ARF1: variants seen among roughly 807,000 people sequenced by gnomAD.
The protein encoded by ARF1 is ADP-ribosylation factor 1.
A neutral mutation model predicts 18.0 loss-of-function variants in ARF1; 1 was observed. The ratio of observed to expected loss-of-function variants is 0.06; its 90% confidence interval spans 0.02 to 0.26. ARF1 has a LOEUF of 0.26. Among genes scored for constraint, ARF1 ranks in the 10% least tolerant of loss-of-function variants. The pLI is 1.00. For synonymous variants in ARF1, 112 were observed against 96.3 expected (o/e 1.16, Z -0.95); for missense variants, 73 against 247.2 (o/e 0.30, Z 4.73).
intron 1 of ARF1, among the ~76,000 whole-genome samples, chr1:228,095,542 G>T (rs559783427): frequency 6.6e-6 from 1 of 152,272 alleles, no homozygotes; most frequent in East Asian, 1.9e-4. Context: ...TTTTGGTTTG[G>T]TTCACCAGCT....
In ARF1 at chr1:228,097,601, C is replaced by T. The variant is rs371617800; in HGVS notation, c.270C>T (p.Phe90=). The T allele has an allele frequency of 7.4e-6, 12 of 1,614,040 alleles. No homozygotes were observed. Among genetic ancestry groups the T allele is most frequent in the South Asian group, 3.3e-5 (3 of 91,090 alleles). The change falls in exon 4 of 5, where the codon TTC becomes TTT. Residue 90 remains phenylalanine (F), a synonymous_variant. Transcript: ENST00000272102. The surrounding 1 kb of genome is among the most constrained non-coding windows in gnomAD (Gnocchi z 8.1). The stretch of plus-strand genomic sequence containing the variant: ...CTGGCTGCCCGGCAGGCCTGATCTT[C>T]GTGGTGGACAGCAATGACAGAGAGC... ...HYFQNTQGLI[F]VVDSNDRERV... is the part of the protein sequence containing the mutation.
At chr1:228,094,619 T>C (rs1432032731) in intron 1 of ARF1, among the ~76,000 whole-genome samples, 1 of 151,840 alleles carries the variant, frequency 6.6e-6, no homozygotes, top group Non-Finnish European at 1.5e-5. Flanking sequence ...TCTCTCTCCA[T>C]GTGGGGTTGG....
intron 1 of ARF1, among the ~76,000 whole-genome samples, chr1:228,091,690 T>C (rs2032581050): frequency 6.6e-6 from 1 of 152,192 alleles, no homozygotes; most frequent in South Asian, 2.1e-4. Context: ...TCGGCACATT[T>C]AGTTTTCCCT....
rs3768327 is a variant in ARF1 at position 228,090,057 on chromosome 1, C to T, written c.-37-7021C>T. On this transcript the variant is annotated intron_variant, in intron 1 of 4. Transcript: ENST00000272102. ...TCTGGTCATTGCTGGAACCAGCGGC[C>T]TCCATGTGAGGTACAGGGGAACGCA... is the stretch of plus-strand genomic sequence containing the variant. 2.8e-4 allele frequency among the ~76,000 whole-genome samples: 43 copies of T among 152,370 alleles called. 1 individual carries two copies. In the East Asian group the frequency reaches 8.1e-3, roughly 29 times the overall value.
At chr1:228,096,993 C>A in intron 1 of ARF1, 85 bp from the exon 2 acceptor site, 1 of 1,250,588 alleles carries the variant, frequency 8.0e-7, no homozygotes, top group Non-Finnish European at 1.1e-6. Flanking sequence ...TGGGGTGAGG[C>A]AGTGGTGCAT....
chr1:228,095,879 G>A (rs930433985), intron 1 of ARF1, among the ~76,000 whole-genome samples: 1 of 152,202 alleles, frequency 6.6e-6, no homozygotes, highest in African/African-American at 2.4e-5. Flanking sequence ...CCCAAAAAGG[G>A]AACACTACAG....
At chr1:228,087,334 C>T (rs572028159) in intron 1 of ARF1, among the ~76,000 whole-genome samples, 8 of 152,318 alleles carry the variant, frequency 5.3e-5, no homozygotes, top group East Asian at 1.9e-4. Context: ...GGATTGGGAA[C>T]GGAGGCAGTT....
intron 1 of ARF1, among the ~76,000 whole-genome samples, chr1:228,094,162 G>T (rs927018647): frequency 6.6e-5 from 10 of 152,204 alleles, no homozygotes; most frequent in Non-Finnish European, 7.4e-5. Context: ...CCCCTGAGTG[G>T]CTGGGTGTTA....
chr1:228,087,926 C>G (rs1411614785), intron 1 of ARF1, among the ~76,000 whole-genome samples: 1 of 152,224 alleles, frequency 6.6e-6, no homozygotes, highest in African/African-American at 2.4e-5. Context: ...GAAAGCACAT[C>G]TGCAGATGTG....
chr1:228,097,652 C>T lies in ARF1; in HGVS notation c.321C>T (p.Leu107=). 6.2e-7 allele frequency: 1 copy of T among 1,614,148 alleles called. No individual in the cohort carries two copies. Among genetic ancestry groups the T allele is most frequent in the Non-Finnish European group, 8.5e-7 (1 of 1,180,008 alleles). Residue 107 remains leucine, a synonymous_variant, in exon 4 of 5, where the codon CTC becomes CTT. Transcript: ENST00000272102. This position sits in a 1 kb window ranked among gnomAD's most constrained non-coding sequence, Gnocchi z 8.1. ...GTGTGAACGAGGCCCGTGAGGAGCT[C>T]ATGAGGATGCTGGCCGAGGACGAGC... ...RERVNEAREE[L]MRMLAEDELR...
intron 1 of ARF1, among the ~76,000 whole-genome samples, chr1:228,095,968 A>G (rs1009815762): frequency 6.6e-6 from 1 of 152,198 alleles, no homozygotes; most frequent in Non-Finnish European, 1.5e-5. Context: ...AAAGTGTCCA[A>G]AGGACACTGA....
Position 228,098,130 on chromosome 1 carries a change from C to A in ARF1, c.*117C>A. ...TCCGTGGTTTGGTCACCGTGTGCAT[C>A]GCACCGTGCTGTAAATGTGGCAGAC... On this transcript the variant is annotated 3_prime_UTR_variant, in exon 5 of 5. Transcript: ENST00000272102. 3 of 1,258,830 alleles carry A rather than the reference C, an allele frequency of 2.4e-6. No individual in the cohort carries two copies. The highest frequency in any genetic ancestry group is 3.2e-6 in the Non-Finnish European group (3 of 924,880). The allele number at this position is 1,258,830 out of a possible 1,614,324, so 78.0% of individuals were successfully genotyped here. A position where few individuals can be genotyped will look rare whatever the true frequency, so the allele number is the denominator to read the frequency against.
chr1:228,092,841 G>A (rs1043685377), intron 1 of ARF1, among the ~76,000 whole-genome samples: 3 of 152,204 alleles, frequency 2.0e-5, no homozygotes, highest in African/African-American at 7.2e-5. Context: ...ACACAAAACG[G>A]ATGTGAACTC....
At chr1:228,087,497 C>G (rs1271684712) in intron 1 of ARF1, among the ~76,000 whole-genome samples, 3 of 152,194 alleles carry the variant, frequency 2.0e-5, no homozygotes, top group African/African-American at 7.2e-5. Context: ...TAGCCAGGCA[C>G]TGTGGCTCAC....
At chr1:228,093,106 T>C (rs996672513) in intron 1 of ARF1, among the ~76,000 whole-genome samples, 11 of 152,256 alleles carry the variant, frequency 7.2e-5, no homozygotes, top group African/African-American at 2.6e-4. Context: ...CAGCCCCTTC[T>C]CAAAGTGTGA....
intron 1 of ARF1, among the ~76,000 whole-genome samples, chr1:228,092,103 GAT>G (rs1350153421): frequency 2.6e-5 from 4 of 152,260 alleles, no homozygotes; most frequent in African/African-American, 9.6e-5. Context: ...GAACTATAAA[GAT>G]GTGTGTAATT....
At chr1:228,086,530 GAAA>G (rs896987251) in intron 1 of ARF1, among the ~76,000 whole-genome samples, 6 of 149,706 alleles carry the variant, frequency 4.0e-5, no homozygotes, top group Non-Finnish European at 7.4e-5. Flanking sequence ...AAAAAAAAAA[GAAA>G]AAAAAGAAAC....
At chr1:228,090,338 G>GC (rs1218468848) in intron 1 of ARF1, 3 of 151,870 alleles carry the variant, frequency 2.0e-5, no homozygotes, top group African/African-American at 7.3e-5. Context: ...GCCCTGTGGA[G>GC]ACAGGGTCTC....
rs1472553681 is a variant in ARF1, at chr1:228,082,729, C to G, written c.-74C>G. On this transcript the variant is annotated 5_prime_UTR_variant, in exon 1 of 5. Transcript: ENST00000272102. The surrounding 1 kb of genome is among the most constrained non-coding windows in gnomAD (Gnocchi z 6.1). ...CGTCAGAGCCGCCATCTTGTGGGAGCAAAACCAACGCCTGGCTCGGAGCAG... is the reference window on the plus strand; with the variant it reads ...CGTCAGAGCCGCCATCTTGTGGGAGGAAAACCAACGCCTGGCTCGGAGCAG... 2 of 151,998 alleles carry G rather than the reference C, an allele frequency of 1.3e-5. No homozygotes were observed. Among genetic ancestry groups the G allele is most frequent in the Non-Finnish European group, 2.9e-5 (2 of 67,974 alleles). 9.4% of individuals were successfully genotyped at this position (151,998 alleles called of 1,614,324 possible).
Sources: gnomAD v4.1 joint callset for allele counts (sites outside exome capture counted in the v4.1 genomes callset) on GRCh38, gnomAD v4.1.1 for gene constraint, Gnocchi (gnomAD v3.1) non-coding constraint, MANE v1.5 for transcripts, NCBI Gene and HGNC (gene_info 2026-07-23, HGNC 2026-07-21) for gene names.